TLN2: variants seen among roughly 807,000 people sequenced by gnomAD.
TLN2 encodes talin-2.
A neutral mutation model predicts 294.7 loss-of-function variants in TLN2; 118 were observed. The ratio of observed to expected loss-of-function variants is 0.40; its 90% confidence interval spans 0.34 to 0.47. The LOEUF (loss-of-function observed/expected upper bound fraction) is 0.47, where lower values mean the gene tolerates loss of function less well. Ranked by LOEUF, TLN2 falls within the 20% of genes least tolerant of loss-of-function variation. TLN2 has a pLI of 0.84. For missense variants in TLN2, 3,083 were observed against 3,282.2 expected, an observed-to-expected ratio of 0.94 and a Z score of 1.48; for synonymous variants, 1,431 against 1,304.5, an observed-to-expected ratio of 1.10 and a Z score of -2.09.
chr15:62,414,191 T>A (rs1397567755), intron 1 of TLN2, among the ~76,000 whole-genome samples: 2 of 122,928 alleles, frequency 1.6e-5, no homozygotes, highest in Non-Finnish European at 3.3e-5. Context: ...TATATATATA[T>A]AATTTGAGAA....
chr15:62,753,742 C>T, intron 35 of TLN2, 31 bp from the exon 36 acceptor site: 1 of 1,582,346 alleles, frequency 6.3e-7, no homozygotes, highest in Non-Finnish European at 8.6e-7. Flanking sequence ...AGCACGGAGC[C>T]TGAGCTGTGG....
intron 10 of TLN2, among the ~76,000 whole-genome samples, chr15:62,674,782 A>G (rs2055957378): frequency 1.3e-5 from 2 of 152,228 alleles, no homozygotes; most frequent in Admixed American, 6.5e-5. Flanking sequence ...CATTATAGGC[A>G]TAAGCCACCA....
chr15:62,647,956 C>T (rs139684603), intron 4 of TLN2, among the ~76,000 whole-genome samples: 2 of 152,120 alleles, frequency 1.3e-5, no homozygotes, highest in Admixed American at 6.5e-5. Flanking sequence ...CACTCATCCC[C>T]GTTAATCTGA....
intron 45 of TLN2, chr15:62,784,115 G>T: frequency 1.5e-6 from 1 of 655,724 alleles, no homozygotes. Context: ...CTGGGGCATG[G>T]GCTTTCAGAC....
chr15:62,735,451 A>T, intron 28 of TLN2, among the ~76,000 whole-genome samples: 1 of 152,238 alleles, frequency 6.6e-6, no homozygotes, highest in East Asian at 1.9e-4. Context: ...ACAAAAGAGG[A>T]TATCTAAATG....
At chr15:62,641,046 C>G (rs1284480154) in intron 3 of TLN2, among the ~76,000 whole-genome samples, 4 of 151,822 alleles carry the variant, frequency 2.6e-5, no homozygotes, top group African/African-American at 7.3e-5. Flanking sequence ...AGGTAATCTA[C>G]CCACCTCAGC....
chr15:62,533,486 T>A (rs1448773021), intron 1 of TLN2, among the ~76,000 whole-genome samples: 1 of 151,918 alleles, frequency 6.6e-6, no homozygotes, highest in Non-Finnish European at 1.5e-5. Flanking sequence ...CTAATTCAGG[T>A]TTTTAGACTC....
At chr15:62,821,554 T>C (rs1241680368) in intron 54 of TLN2, among the ~76,000 whole-genome samples, 3 of 152,222 alleles carry the variant, frequency 2.0e-5, no homozygotes, top group East Asian at 1.9e-4. Flanking sequence ...TGGGCCAGTG[T>C]AGTGTATGAA....
In TLN2 at chr15:62,698,874, A is replaced by T. The variant is rs1212970119; in HGVS notation, c.1587+7A>T. On this transcript the variant is annotated splice_region_variant and intron_variant, in intron 16 of 58. Transcript: ENST00000636159. ...ACCTCTCGGCCAGGATATGGTAAAT[A>T]CTGTTCAGTGGTTTTCATGCCAAGT... 2.5e-6 allele frequency: 4 copies of T among 1,610,744 alleles called. No individual in the cohort carries two copies. The South Asian group carries it at 4.4e-5, about 18-fold the overall frequency.
chr15:62,678,498 C>T (rs2056475753), intron 11 of TLN2, among the ~76,000 whole-genome samples: 1 of 152,132 alleles, frequency 6.6e-6, no homozygotes, highest in Non-Finnish European at 1.5e-5. Flanking sequence ...GAGTATCAAA[C>T]CTCTCATTAG....
chr15:62,696,184 A>G (rs1294276925), intron 14 of TLN2, among the ~76,000 whole-genome samples: 1 of 152,126 alleles, frequency 6.6e-6, no homozygotes, highest in African/African-American at 2.4e-5. Flanking sequence ...CCGCGTGGCT[A>G]TCGAGCCTTG....
intron 40 of TLN2, among the ~76,000 whole-genome samples, chr15:62,765,014 C>G (rs2062908905): frequency 6.7e-6 from 1 of 149,594 alleles, no homozygotes; most frequent in Non-Finnish European, 1.5e-5. Context: ...ACCAGCACCC[C>G]AGAAGCCCCC....
chr15:62,609,139 A>G (rs960417178), intron 2 of TLN2, among the ~76,000 whole-genome samples: 4 of 152,150 alleles, frequency 2.6e-5, no homozygotes, highest in African/African-American at 7.2e-5. Context: ...TGACTGTTCT[A>G]TGTTACACAG....
At chr15:62,774,600 A>G (rs2063568479) in intron 42 of TLN2, among the ~76,000 whole-genome samples, 1 of 152,178 alleles carries the variant, frequency 6.6e-6, no homozygotes, top group Non-Finnish European at 1.5e-5. Context: ...GGCTTCATAG[A>G]AGAGGTAGAC....
At chr15:62,418,326 A>C (rs2034197621) in intron 1 of TLN2, among the ~76,000 whole-genome samples, 1 of 152,194 alleles carries the variant, frequency 6.6e-6, no homozygotes, top group Non-Finnish European at 1.5e-5. Flanking sequence ...TTCTAGAATC[A>C]ACACAAATCC....
intron 3 of TLN2, among the ~76,000 whole-genome samples, chr15:62,632,755 T>G (rs766052815): frequency 3.9e-5 from 6 of 152,196 alleles, no homozygotes; most frequent in Non-Finnish European, 7.3e-5. Flanking sequence ...ATCCACAAAA[T>G]ACTGTGTCCT....
At position 62,800,541 on chromosome 15, in the gene TLN2, C is replaced by G. The variant is rs377057088; in HGVS notation, c.6360+48C>G. 52 of 1,611,194 alleles carry G rather than the reference C, an allele frequency of 3.2e-5. No individual in the cohort carries two copies. The Admixed American group carries it at 6.2e-4, about 19-fold the overall frequency. On this transcript the variant is annotated intron_variant, in intron 49 of 58. Coordinates refer to ENST00000636159, the MANE Select transcript of TLN2 (RefSeq NM_015059.3). The stretch of plus-strand genomic sequence containing the variant: ...GATGAGCACCTGAGTTCTCTTCTCA[C>G]TTAAAGGAAGGAGAGGCGTCCTTGC...
rs1467162075 is a variant in TLN2, at chr15:62,722,246, T to A, written c.2992-107T>A. 4.6e-6 allele frequency: 6 copies of A among 1,291,920 alleles called. No homozygotes were observed. In the African/African-American group the frequency reaches 5.8e-5, roughly 13 times the overall value. The allele number at this position is 1,291,920 out of a possible 1,614,324, so 80.0% of individuals were successfully genotyped here. A position where few individuals can be genotyped will look rare whatever the true frequency, so the allele number is the denominator to read the frequency against. On this transcript the variant is annotated intron_variant, in intron 25 of 58. Coordinates refer to ENST00000636159, the MANE Select transcript of TLN2 (RefSeq NM_015059.3). Reference sequence around the variant, plus strand: ...TGAGTTGTTTAATATTCCTTTTTTTTAGGACAAAATCAGTTCTTACTGCTG... The same window carrying A: ...TGAGTTGTTTAATATTCCTTTTTTTAAGGACAAAATCAGTTCTTACTGCTG...
chr15:62,758,995 C>G (rs940811578), intron 37 of TLN2, among the ~76,000 whole-genome samples: 2 of 152,274 alleles, frequency 1.3e-5, no homozygotes, highest in Non-Finnish European at 2.9e-5. Context: ...CCCAGATGTC[C>G]GTGGTATTTT....
Sources: gnomAD v4.1 joint callset for allele counts (sites outside exome capture counted in the v4.1 genomes callset) on GRCh38, gnomAD v4.1.1 for gene constraint, MANE v1.5 for transcripts, NCBI Gene and HGNC (gene_info 2026-07-23, HGNC 2026-07-21) for gene names.